WNK3: variants seen among roughly 807,000 people sequenced by gnomAD.
WNK3 encodes the protein serine/threonine-protein kinase WNK3.
In WNK3, 18 loss-of-function variants were observed where a neutral mutation model predicts 116.7. That is an observed-to-expected ratio of 0.15 (90% CI 0.11 to 0.23). The LOEUF (loss-of-function observed/expected upper bound fraction) is 0.23. WNK3 is among the 10% of genes least tolerant of loss of function. The pLI is 1.00. For missense variants in WNK3, 993 were observed against 1,323.8 expected, an observed-to-expected ratio of 0.75 and a Z score of 3.88; for synonymous variants, 404 against 469.4, an observed-to-expected ratio of 0.86 and a Z score of 1.80.
At chrX:54,270,399 CTTTTTTT>C (rs781794140) in intron 10 of WNK3, among the ~76,000 whole-genome samples, 1 of 92,767 alleles carries the variant, frequency 1.1e-5, no homozygotes, top group Non-Finnish European at 2.2e-5. Flanking sequence ...CGCCCGGCCT[CTTTTTTT>C]TTTTTTTTTT....
chrX:54,326,754 G>A (rs781955333), intron 2 of WNK3, among the ~76,000 whole-genome samples: 2 of 111,427 alleles, frequency 1.8e-5, no homozygotes, highest in African/African-American at 6.5e-5. Flanking sequence ...GGAGACTGAG[G>A]CAGGCAGATC....
chrX:54,213,556 A>AAAAAAAAAAAAG (rs2067644478), intron 22 of WNK3, among the ~76,000 whole-genome samples: 1 of 96,893 alleles, frequency 1.0e-5, no homozygotes, highest in Non-Finnish European at 2.0e-5. Flanking sequence ...TCCGTCTCAA[A>AAAAAAAAAAAAG]AAAAAAAACA....
chrX:54,340,806 A>AT (rs2069312058), intron 1 of WNK3, among the ~76,000 whole-genome samples: 1 of 111,721 alleles, frequency 9.0e-6, no homozygotes, highest in Non-Finnish European at 1.9e-5. Flanking sequence ...ATACCCTACA[A>AT]TAAAAAAAGA....
chrX:54,348,152 G>A (rs2069463064), intron 1 of WNK3, among the ~76,000 whole-genome samples: 1 of 109,648 alleles, frequency 9.1e-6, no homozygotes, highest in East Asian at 2.8e-4. Context: ...GTGTGTGTGT[G>A]TATCCCTGAA....
intron 4 of WNK3, among the ~76,000 whole-genome samples, chrX:54,308,609 G>A (rs1281498391): frequency 1.8e-5 from 2 of 111,805 alleles, no homozygotes; most frequent in South Asian, 3.7e-4. Flanking sequence ...ATTAGGTAAC[G>A]ATTAATAAAA....
intron 1 of WNK3, among the ~76,000 whole-genome samples, chrX:54,336,235 G>A (rs1427534746): frequency 4.5e-5 from 5 of 110,849 alleles, no homozygotes; most frequent in East Asian, 5.7e-4. Context: ...GCTGTGAATC[G>A]CTTGAACCTG....
At chrX:54,305,411 T>A (rs901389037) in intron 5 of WNK3, among the ~76,000 whole-genome samples, 9 of 111,497 alleles carry the variant, frequency 8.1e-5, no homozygotes, top group African/African-American at 2.9e-4. Flanking sequence ...CAGCAAATAC[T>A]AGAAGTCAGC....
chrX:54,214,787 C>T (rs1042734517), intron 22 of WNK3, among the ~76,000 whole-genome samples: 2 of 110,996 alleles, frequency 1.8e-5, no homozygotes, highest in Non-Finnish European at 3.8e-5. Flanking sequence ...CTGAGGTGGG[C>T]GGATCACGAG....
chrX:54,330,649 A>T lies in WNK3; in HGVS notation c.537+2488T>A, dbSNP rs191323869. 3.4e-3 allele frequency among the ~76,000 whole-genome samples: 383 copies of T among 111,797 alleles called. 2 individuals are homozygous for T. Among genetic ancestry groups the T allele is most frequent in the African/African-American group, 0.012 (372 of 30,848 alleles). On this transcript the variant is annotated intron_variant, in intron 2 of 23. Transcript: ENST00000354646. ...TAATGAAATAGTAGGCATCTATTTT[A>T]AAAAAATTATGTAGGCCAGGCACAG...
intron 10 of WNK3, among the ~76,000 whole-genome samples, chrX:54,285,552 A>G (rs1274734055): frequency 2.2e-4 from 25 of 112,703 alleles, no homozygotes; most frequent in Non-Finnish European, 4.5e-4. Flanking sequence ...CAAATCTGGC[A>G]CACCACCTGT....
intron 2 of WNK3, among the ~76,000 whole-genome samples, chrX:54,315,695 C>T (rs781972356): frequency 9.0e-6 from 1 of 111,635 alleles, no homozygotes; most frequent in East Asian, 2.8e-4. Flanking sequence ...TACTAGATAT[C>T]TACTTTTAGA....
intron 7 of WNK3, among the ~76,000 whole-genome samples, chrX:54,297,374 C>T (rs782160932): frequency 1.4e-4 from 16 of 110,732 alleles, no homozygotes; most frequent in African/African-American, 3.0e-4. Flanking sequence ...GTCAGGAGTT[C>T]GAGACCAGCC....
At chrX:54,289,659 A>T (rs782318235) in intron 10 of WNK3, among the ~76,000 whole-genome samples, 1 of 111,318 alleles carries the variant, frequency 9.0e-6, no homozygotes, top group East Asian at 2.8e-4. Flanking sequence ...ATCTGAAGTT[A>T]GAGACTTCTG....
chrX:54,217,315 CAA>C (rs782153999), intron 22 of WNK3, among the ~76,000 whole-genome samples: 1,402 of 49,887 alleles, frequency 0.028, 46 homozygotes, highest in African/African-American at 0.092. Flanking sequence ...AAGACTCCAT[CAA>C]AAAAAAAAAA....
intron 10 of WNK3, among the ~76,000 whole-genome samples, chrX:54,286,481 C>T (rs1490625599): frequency 9.0e-6 from 1 of 111,414 alleles, no homozygotes; most frequent in Non-Finnish European, 1.9e-5. Flanking sequence ...ATAACTCATA[C>T]AGCATAGCAC....
intron 12 of WNK3, among the ~76,000 whole-genome samples, chrX:54,255,476 A>C (rs190189032): frequency 8.9e-6 from 1 of 112,327 alleles, no homozygotes; most frequent in Non-Finnish European, 1.9e-5. Context: ...ACATGTACAT[A>C]CAGGAAAAGG....
At chrX:54,212,983 T>C (rs1206252533) in intron 22 of WNK3, among the ~76,000 whole-genome samples, 1 of 110,645 alleles carries the variant, frequency 9.0e-6, no homozygotes, top group East Asian at 2.8e-4. Context: ...AATCTTGGTT[T>C]CTTTTTTGTG....
At chrX:54,241,046 C>T (rs2068016954) in intron 17 of WNK3, among the ~76,000 whole-genome samples, 1 of 111,438 alleles carries the variant, frequency 9.0e-6, no homozygotes, top group Admixed American at 9.6e-5. Flanking sequence ...CCCTTCTCTC[C>T]CCACCTCCAG....
intron 10 of WNK3, among the ~76,000 whole-genome samples, chrX:54,287,918 T>G (rs2068597745): frequency 8.9e-6 from 1 of 112,419 alleles, no homozygotes; most frequent in African/African-American, 3.2e-5. Context: ...AATGCTGCTG[T>G]GTGTGTAACA....
Sources: allele counts gnomAD v4.1 joint callset (sites outside exome capture counted in the v4.1 genomes callset), GRCh38; gene constraint gnomAD v4.1.1; transcripts MANE v1.5; gene names NCBI Gene and HGNC (gene_info 2026-07-23, HGNC 2026-07-21).